ADAMTS3: variants seen among roughly 807,000 people sequenced by gnomAD.
The protein encoded by ADAMTS3 is ADAM metallopeptidase with thrombospondin type 1 motif 3.
In ADAMTS3, 73 loss-of-function variants were observed where a neutral mutation model predicts 129.0. The ratio of observed to expected loss-of-function variants is 0.57; its 90% CI spans 0.47 to 0.69. ADAMTS3 has a LOEUF of 0.69. Among genes scored for constraint, ADAMTS3 ranks in the 30% least tolerant of loss-of-function variants. The pLI, the probability that ADAMTS3 is intolerant of heterozygous loss-of-function variation, is 0.00. For missense variants in ADAMTS3, 1,457 were observed against 1,514.5 expected, an observed-to-expected ratio of 0.96 and a Z score of 0.63; for synonymous variants, 477 against 510.8, an observed-to-expected ratio of 0.93 and a Z score of 0.89.
At chr4:72,443,991 C>T (rs1718186781) in intron 3 of ADAMTS3, among the ~76,000 whole-genome samples, 1 of 151,622 alleles carries the variant, frequency 6.6e-6, no homozygotes. Context: ...CAAGTAATCA[C>T]CATAGTGAAT....
rs146842389 is a variant in ADAMTS3 at position 72,314,827 on chromosome 4, A to G, written c.1600-1005T>C. ...TATTATGCATATAATCCCTGTCACA[A>G]GTACAGTTTATACACATTTGAAATT... On this transcript the variant is annotated intron_variant, in intron 11 of 21. Coordinates refer to ENST00000286657, the MANE Select transcript of ADAMTS3 (RefSeq NM_014243.3). Among the ~76,000 whole-genome samples the G allele has an allele frequency of 6.8e-4, 103 of 152,336 alleles. No homozygotes were observed. The East Asian group carries it at 0.015, about 23-fold the overall frequency.
intron 2 of ADAMTS3, among the ~76,000 whole-genome samples, chr4:72,551,303 A>G (rs1399652705): frequency 6.6e-6 from 1 of 152,142 alleles, no homozygotes; most frequent in East Asian, 1.9e-4. Flanking sequence ...CTCCATACCC[A>G]AGAGGATACT....
intron 3 of ADAMTS3, among the ~76,000 whole-genome samples, chr4:72,472,028 T>G (rs915441177): frequency 6.6e-6 from 1 of 152,044 alleles, no homozygotes. Context: ...CTATGGGACA[T>G]AAAGCAGATA....
intron 3 of ADAMTS3, among the ~76,000 whole-genome samples, chr4:72,526,521 A>G (rs2109750237): frequency 6.7e-6 from 1 of 150,208 alleles, no homozygotes; most frequent in Non-Finnish European, 1.5e-5. Context: ...AAATATACAT[A>G]TAAAACAGTC....
intron 3 of ADAMTS3, among the ~76,000 whole-genome samples, chr4:72,486,847 A>G (rs1719603777): frequency 6.6e-6 from 1 of 152,186 alleles, no homozygotes; most frequent in South Asian, 2.1e-4. Context: ...CATCTGCTCT[A>G]TCACTTCCTT....
chr4:72,401,172 T>A (rs1721904809), intron 4 of ADAMTS3, among the ~76,000 whole-genome samples: 1 of 151,814 alleles, frequency 6.6e-6, no homozygotes, highest in South Asian at 2.1e-4. Flanking sequence ...CATCATCACG[T>A]AAAATCCTAT....
chr4:72,361,835 C>A (rs754065417), intron 4 of ADAMTS3, among the ~76,000 whole-genome samples: 1 of 151,982 alleles, frequency 6.6e-6, no homozygotes, highest in African/African-American at 2.4e-5. Flanking sequence ...TGTACAGCCT[C>A]CTACAATTAA....
chr4:72,296,772 T>C (rs1330024136), intron 18 of ADAMTS3, among the ~76,000 whole-genome samples: 2 of 152,096 alleles, frequency 1.3e-5, no homozygotes, highest in Non-Finnish European at 2.9e-5. Context: ...TACAGACCTA[T>C]TCAAAAATGT....
chr4:72,498,155 C>G (rs1046464474), intron 3 of ADAMTS3, among the ~76,000 whole-genome samples: 2 of 151,990 alleles, frequency 1.3e-5, no homozygotes, highest in African/African-American at 2.4e-5. Context: ...TCTTAGAGAG[C>G]GAACACTATA....
chr4:72,463,188 A>C (rs1374603682), intron 3 of ADAMTS3, among the ~76,000 whole-genome samples: 3 of 152,010 alleles, frequency 2.0e-5, no homozygotes, highest in African/African-American at 7.2e-5. Flanking sequence ...GTAGCCTAGG[A>C]TCAATAGACT....
intron 4 of ADAMTS3, among the ~76,000 whole-genome samples, chr4:72,410,802 G>A (rs1722167701): frequency 1.3e-5 from 2 of 151,780 alleles, no homozygotes; most frequent in Non-Finnish European, 2.9e-5. Context: ...AAATTAAAGA[G>A]TTTCAAAATG....
chr4:72,437,200 C>A (rs1021310452), intron 3 of ADAMTS3, among the ~76,000 whole-genome samples: 1 of 151,750 alleles, frequency 6.6e-6, no homozygotes, highest in African/African-American at 2.4e-5. Context: ...CAAATCTTCT[C>A]AGGGAAGGCA....
chr4:72,344,231 C>T lies in ADAMTS3; in HGVS notation c.662-4538G>A, dbSNP rs75481891. ...TAACTTTCTTTGCTGATTATGGACA[C>T]TAAGGCTTGAAATATTTTTAGGAGA... On this transcript the variant is annotated intron_variant, in intron 4 of 21. Transcript: ENST00000286657. Among the ~76,000 whole-genome samples the T allele has an allele frequency of 4.1e-3, 627 of 152,140 alleles. 4 individuals carry two copies. Among genetic ancestry groups the T allele is most frequent in the African/African-American group, 0.015 (603 of 41,506 alleles).
intron 3 of ADAMTS3, among the ~76,000 whole-genome samples, chr4:72,544,690 A>C (rs1721421667): frequency 6.6e-6 from 1 of 152,242 alleles, no homozygotes; most frequent in South Asian, 2.1e-4. Context: ...CAATATTTTC[A>C]CAGTTCTTAA....
chr4:72,406,384 AACT>A (rs1385169417), intron 4 of ADAMTS3, among the ~76,000 whole-genome samples: 4 of 152,172 alleles, frequency 2.6e-5, no homozygotes, highest in African/African-American at 9.7e-5. Flanking sequence ...AAGATAACGG[AACT>A]ACTTTTTCCT....
chr4:72,398,201 A>G (rs1721775999), intron 4 of ADAMTS3, among the ~76,000 whole-genome samples: 1 of 152,154 alleles, frequency 6.6e-6, no homozygotes, highest in African/African-American at 2.4e-5. Flanking sequence ...GGAGCTCTAT[A>G]ACAGATAAAG....
intron 3 of ADAMTS3, among the ~76,000 whole-genome samples, chr4:72,454,043 T>A (rs1718479168): frequency 6.6e-6 from 1 of 151,322 alleles, no homozygotes; most frequent in Admixed American, 6.6e-5. Flanking sequence ...TGAACCTGTA[T>A]AATAAAGATG....
At chr4:72,301,663 C>T (rs768570446) in intron 17 of ADAMTS3, among the ~76,000 whole-genome samples, 7 of 151,262 alleles carry the variant, frequency 4.6e-5, no homozygotes, top group South Asian at 2.1e-4. Flanking sequence ...ATGGAGTTGC[C>T]GTCTTGATAT....
chr4:72,416,172 A>AATATAAATATATATACATATATGT (rs1553913385), intron 3 of ADAMTS3, among the ~76,000 whole-genome samples: 1,969 of 146,056 alleles, frequency 0.013, 49 homozygotes, highest in African/African-American at 0.046. Flanking sequence ...AGCAAATATA[A>AATATAAATATATATACATATATGT]ATATAAATAT....
Sources: allele counts gnomAD v4.1 joint callset (sites outside exome capture counted in the v4.1 genomes callset), GRCh38; gene constraint gnomAD v4.1.1; transcripts MANE v1.5; gene names NCBI Gene and HGNC (gene_info 2026-07-23, HGNC 2026-07-21).